Variants in KIF26B observed in about 807,000 individuals in gnomAD.
The protein encoded by KIF26B is kinesin-like protein KIF26B.
A neutral mutation model predicts 151.2 loss-of-function variants in KIF26B; 63 were observed. That is an observed-to-expected ratio of 0.42 (90% CI 0.34 to 0.51). The LOEUF (loss-of-function observed/expected upper bound fraction) is 0.51, where lower values mean the gene tolerates loss of function less well. Among genes scored for constraint, KIF26B ranks in the 20% least tolerant of loss-of-function variants. The pLI, the probability that KIF26B is intolerant of heterozygous loss-of-function variation, is 0.07. For synonymous variants in KIF26B, 1,357 were observed against 1,262.1 expected, an observed-to-expected ratio of 1.08 and a Z score of -1.59; for missense variants, 2,813 against 2,913.6, an observed-to-expected ratio of 0.97 and a Z score of 0.79.
At chr1:245,699,687 G>T (rs909865815) in intron 14 of KIF26B, among the ~76,000 whole-genome samples, 4 of 152,160 alleles carry the variant, frequency 2.6e-5, no homozygotes, top group African/African-American at 9.7e-5. Flanking sequence ...GCTATTACAC[G>T]GATATAGGAG....
chr1:245,630,818 GTTC>G (rs2043773477), intron 9 of KIF26B, among the ~76,000 whole-genome samples: 1 of 151,962 alleles, frequency 6.6e-6, no homozygotes, highest in Non-Finnish European at 1.5e-5. Context: ...TTTTTTCTAT[GTTC>G]TTCAATTTTT....
At chr1:245,248,877 G>A (rs1377679314) in intron 2 of KIF26B, among the ~76,000 whole-genome samples, 1 of 152,240 alleles carries the variant, frequency 6.6e-6, no homozygotes, top group Non-Finnish European at 1.5e-5. Context: ...TCAGTGGGAT[G>A]TGAATATACT....
chr1:245,273,123 G>T (rs1316466215), intron 2 of KIF26B, among the ~76,000 whole-genome samples: 1 of 151,862 alleles, frequency 6.6e-6, no homozygotes, highest in African/African-American at 2.4e-5. Flanking sequence ...TATTGAAAGT[G>T]GGATATTGAG....
intron 4 of KIF26B, among the ~76,000 whole-genome samples, chr1:245,487,744 C>T (rs2103072302): frequency 6.6e-6 from 1 of 151,098 alleles, no homozygotes; most frequent in East Asian, 2.0e-4. Context: ...ACTACAGGCA[C>T]ATGTCACCAC....
chr1:245,700,686 A>G (rs2044758528), intron 14 of KIF26B, among the ~76,000 whole-genome samples: 1 of 152,206 alleles, frequency 6.6e-6, no homozygotes, highest in African/African-American at 2.4e-5. Flanking sequence ...GTCTGCTTGC[A>G]TGATGCACTG....
intron 2 of KIF26B, among the ~76,000 whole-genome samples, chr1:245,240,751 A>G (rs1271230218): frequency 3.3e-5 from 5 of 152,172 alleles, no homozygotes; most frequent in African/African-American, 1.2e-4. Context: ...AAGCTGGGAG[A>G]GGCAGGAGAT....
intron 4 of KIF26B, among the ~76,000 whole-genome samples, chr1:245,509,022 T>C (rs570780168): frequency 4.6e-5 from 7 of 152,364 alleles, no homozygotes; most frequent in Non-Finnish European, 1.0e-4. Context: ...TGGAGGTAGA[T>C]GTTCAGTTTA....
chr1:245,489,101 G>A (rs977847139), intron 4 of KIF26B, among the ~76,000 whole-genome samples: 1 of 152,184 alleles, frequency 6.6e-6, no homozygotes, highest in African/African-American at 2.4e-5. Flanking sequence ...CTGGCGGCAC[G>A]TCTGGCAGCT....
intron 3 of KIF26B, among the ~76,000 whole-genome samples, chr1:245,401,354 A>G (rs1389199496): frequency 5.3e-5 from 8 of 152,320 alleles, no homozygotes; most frequent in Admixed American, 2.6e-4. Context: ...AATAAGCAAA[A>G]ACACTGGGAG....
At chr1:245,303,476 G>A (rs1246612855) in intron 2 of KIF26B, among the ~76,000 whole-genome samples, 1 of 150,872 alleles carries the variant, frequency 6.6e-6, no homozygotes, top group Non-Finnish European at 1.5e-5. Flanking sequence ...GGGATTACAG[G>A]CGTAAGCCAC....
At chr1:245,590,128 C>CG (rs1475889088) in intron 5 of KIF26B, among the ~76,000 whole-genome samples, 2 of 104,340 alleles carry the variant, frequency 1.9e-5, no homozygotes, top group Non-Finnish European at 3.9e-5. Flanking sequence ...CCCGCGGGGT[C>CG]GGGGGGTGGG....
At chr1:245,673,323 TGCCATCTTAGGCCCAGTCCCCGCTGCGC>T (rs1289513161) in intron 10 of KIF26B, among the ~76,000 whole-genome samples, 2 of 139,400 alleles carry the variant, frequency 1.4e-5, no homozygotes, top group African/African-American at 2.8e-5. Context: ...CGCTGCGCGC[TGCCATCTTAGGCCCAGTCCCCGCTGCGC>T]GCTGCCATCT....
At chr1:245,256,818 G>A (rs1211301367) in intron 2 of KIF26B, among the ~76,000 whole-genome samples, 2 of 152,074 alleles carry the variant, frequency 1.3e-5, no homozygotes, top group Admixed American at 6.5e-5. Context: ...ACAGATAGCC[G>A]GCCCCAAAAG....
intron 5 of KIF26B, among the ~76,000 whole-genome samples, chr1:245,556,868 G>GTT (rs942640882): frequency 3.5e-4 from 54 of 152,140 alleles, no homozygotes; most frequent in African/African-American, 1.3e-3. Flanking sequence ...AAAATGTTTT[G>GTT]TTTCTGCCTT....
intron 5 of KIF26B, among the ~76,000 whole-genome samples, chr1:245,599,669 A>C (rs188200779): frequency 4.6e-5 from 7 of 152,334 alleles, no homozygotes; most frequent in African/African-American, 1.7e-4. Flanking sequence ...CAATGCTCAG[A>C]GGCTGGGCTA....
intron 5 of KIF26B, among the ~76,000 whole-genome samples, chr1:245,591,786 G>A (rs2043291298): frequency 6.6e-6 from 1 of 152,174 alleles, no homozygotes; most frequent in African/African-American, 2.4e-5. Flanking sequence ...CACCGTCAGA[G>A]TCCCAATCCT....
chr1:245,257,605 A>C lies in KIF26B; in HGVS notation c.465+100922A>C, dbSNP rs997237244. Among the ~76,000 whole-genome samples the C allele has an allele frequency of 1.2e-4, 18 of 152,200 alleles. 1 individual carries two copies. Among genetic ancestry groups the C allele is most frequent in the African/African-American group, 3.6e-4 (15 of 41,450 alleles). On this transcript the variant is annotated intron_variant, in intron 2 of 14. Coordinates refer to ENST00000407071, the MANE Select transcript of KIF26B (RefSeq NM_018012.4). ...CCCGTCGTGTGAAAAGCTTTGCTGC[A>C]CATCAGCCTGGAGGAAGGCTGGACA...
chr1:245,445,853 A>G (rs1166902180), intron 4 of KIF26B, among the ~76,000 whole-genome samples: 1 of 152,222 alleles, frequency 6.6e-6, no homozygotes, highest in Non-Finnish European at 1.5e-5. Context: ...GGCCCCCAGC[A>G]TAACAATTCC....
Position 245,577,352 on chromosome 1 carries a change from C to T in KIF26B, c.1351-25225C>T, listed in dbSNP as rs116334039. Among the ~76,000 whole-genome samples the T allele has an allele frequency of 7.4e-3, 1,123 of 152,128 alleles. 17 individuals are homozygous for T. The highest frequency in any genetic ancestry group is 0.025 in the African/African-American group (1,048 of 41,522). On this transcript the variant is annotated intron_variant, in intron 5 of 14. Transcript: ENST00000407071. ...ACAGCTAAGTCATAACAGAGTCAGG[C>T]ATAAGACACGGGTGTCCCGACTCCC... is the stretch of plus-strand genomic sequence containing the variant.
Sources: allele counts gnomAD v4.1 joint callset (sites outside exome capture counted in the v4.1 genomes callset), GRCh38; gene constraint gnomAD v4.1.1; transcripts MANE v1.5; gene names NCBI Gene and HGNC (gene_info 2026-07-23, HGNC 2026-07-21).